Variants in AGBL1 observed in about 807,000 individuals in gnomAD.
The protein encoded by AGBL1 is cytosolic carboxypeptidase 4.
AGBL1 carries 130 observed loss-of-function variants against 118.9 expected under a neutral mutation model. That is an observed-to-expected ratio of 1.09 (90% CI 0.95 to 1.26). The LOEUF (loss-of-function observed/expected upper bound fraction) is 1.26, where lower values mean the gene tolerates loss of function less well. Ranked by LOEUF, AGBL1 falls within the 50% of genes most tolerant of loss-of-function variation. AGBL1 has a pLI of 0.00. For synonymous variants in AGBL1, 555 were observed against 478.9 expected (o/e 1.16, Z -2.08); for missense variants, 1,584 against 1,298.1 (o/e 1.22, Z -3.38).
At chr15:86,402,333 G>A (rs905328283) in intron 18 of AGBL1, among the ~76,000 whole-genome samples, 1 of 151,984 alleles carries the variant, frequency 6.6e-6, no homozygotes, top group Non-Finnish European at 1.5e-5. Flanking sequence ...TGAATTCATT[G>A]ATTAGATGTA....
intron 18 of AGBL1, among the ~76,000 whole-genome samples, chr15:86,425,267 T>G (rs1442818522): frequency 6.6e-6 from 1 of 152,106 alleles, no homozygotes; most frequent in Admixed American, 6.5e-5. Flanking sequence ...GAAACCATCT[T>G]TCTCAGCAAA....
chr15:87,002,488 A>C (rs1052863969), intron 24 of AGBL1, among the ~76,000 whole-genome samples: 10 of 152,014 alleles, frequency 6.6e-5, no homozygotes, highest in Admixed American at 3.3e-4. Context: ...TATGAACTTT[A>C]AAGTCGTTTT....
intron 16 of AGBL1, among the ~76,000 whole-genome samples, chr15:86,281,029 A>G (rs1458403875): frequency 6.6e-6 from 1 of 152,220 alleles, no homozygotes; most frequent in Non-Finnish European, 1.5e-5. Context: ...CAGAACAGGC[A>G]ACATTCATCT....
chr15:86,721,607 G>A (rs2086722507), intron 22 of AGBL1, among the ~76,000 whole-genome samples: 2 of 152,342 alleles, frequency 1.3e-5, no homozygotes, highest in South Asian at 4.1e-4. Flanking sequence ...AGACAGGGAT[G>A]CCCTCTCTCA....
At chr15:86,681,865 G>C (rs1388049910) in intron 22 of AGBL1, among the ~76,000 whole-genome samples, 1 of 152,164 alleles carries the variant, frequency 6.6e-6, no homozygotes, top group Admixed American at 6.5e-5. Context: ...AGTGAATGAA[G>C]ATGGAAAGTG....
At chr15:86,663,940 A>T (rs2085594141) in intron 21 of AGBL1, among the ~76,000 whole-genome samples, 1 of 152,168 alleles carries the variant, frequency 6.6e-6, no homozygotes, top group African/African-American at 2.4e-5. Context: ...TGCATCCTCT[A>T]GAAAAACATG....
At chr15:86,187,532 A>T (rs2077651920) in intron 5 of AGBL1, among the ~76,000 whole-genome samples, 1 of 152,202 alleles carries the variant, frequency 6.6e-6, no homozygotes, top group African/African-American at 2.4e-5. Context: ...CAACTTTCTT[A>T]ATGCTGCTGA....
chr15:86,419,054 G>A (rs1331785389), intron 18 of AGBL1, among the ~76,000 whole-genome samples: 1 of 152,080 alleles, frequency 6.6e-6, no homozygotes, highest in Non-Finnish European at 1.5e-5. Flanking sequence ...TTTTTTGATA[G>A]TGTGATATGC....
intron 21 of AGBL1, among the ~76,000 whole-genome samples, chr15:86,653,274 A>T (rs1324319821): frequency 1.3e-5 from 2 of 152,066 alleles, no homozygotes; most frequent in African/African-American, 4.8e-5. Flanking sequence ...CAATAGTCTC[A>T]TCTTAAATTA....
At chr15:86,356,341 T>TGTGC (rs2080718728) in intron 17 of AGBL1, among the ~76,000 whole-genome samples, 1 of 150,318 alleles carries the variant, frequency 6.7e-6, no homozygotes, top group African/African-American at 2.5e-5. Context: ...TAGACGTGTG[T>TGTGC]GTGTGTGTGT....
chr15:86,514,624 C>A (rs1003774172), intron 18 of AGBL1, among the ~76,000 whole-genome samples: 2 of 151,894 alleles, frequency 1.3e-5, no homozygotes, highest in Admixed American at 1.3e-4. Flanking sequence ...TAACTTGGTT[C>A]TAAAAGTTGA....
At chr15:86,094,115 A>T (rs2141473905) in intron 1 of AGBL1, among the ~76,000 whole-genome samples, 1 of 152,266 alleles carries the variant, frequency 6.6e-6, no homozygotes, top group African/African-American at 2.4e-5. Flanking sequence ...CAAATATTTG[A>T]ATCTCTATAT....
At chr15:86,541,515 C>A (rs887911763) in intron 19 of AGBL1, among the ~76,000 whole-genome samples, 5 of 149,812 alleles carry the variant, frequency 3.3e-5, no homozygotes, top group African/African-American at 9.9e-5. Flanking sequence ...TAACCTGAGC[C>A]CAGGATCTCG....
At chr15:86,573,752 G>A (rs747298193) in intron 21 of AGBL1, among the ~76,000 whole-genome samples, 1 of 152,084 alleles carries the variant, frequency 6.6e-6, no homozygotes, top group Non-Finnish European at 1.5e-5. Flanking sequence ...TTTCTATGAA[G>A]CTTATAATTA....
chr15:86,893,064 C>T (rs748866311), intron 22 of AGBL1, among the ~76,000 whole-genome samples: 2 of 152,136 alleles, frequency 1.3e-5, no homozygotes, highest in African/African-American at 2.4e-5. Flanking sequence ...AATACTGCCT[C>T]GGGGACTCAC....
chr15:86,512,787 C>T (rs1567033606), intron 18 of AGBL1, among the ~76,000 whole-genome samples: 1 of 151,678 alleles, frequency 6.6e-6, no homozygotes, highest in Non-Finnish European at 1.5e-5. Context: ...TCTCTAAAGG[C>T]ATTATTTGTC....
chr15:86,293,575 T>G (rs1482280127), intron 16 of AGBL1, among the ~76,000 whole-genome samples: 1 of 152,146 alleles, frequency 6.6e-6, no homozygotes, highest in Non-Finnish European at 1.5e-5. Context: ...AAGTAGACCT[T>G]AATCTTAAAC....
At chr15:86,379,939 G>C (rs554320049) in intron 17 of AGBL1, among the ~76,000 whole-genome samples, 1 of 152,230 alleles carries the variant, frequency 6.6e-6, no homozygotes, top group South Asian at 2.1e-4. Flanking sequence ...CAAAATTGAG[G>C]GCTTTCAAAG....
At chr15:86,351,166 A>G (rs974781998) in intron 17 of AGBL1, among the ~76,000 whole-genome samples, 1 of 152,190 alleles carries the variant, frequency 6.6e-6, no homozygotes, top group Admixed American at 6.5e-5. Flanking sequence ...TCCAAAATAG[A>G]GAAACCATTA....
Sources: allele counts gnomAD v4.1 joint callset (sites outside exome capture counted in the v4.1 genomes callset), GRCh38; gene constraint gnomAD v4.1.1; transcripts MANE v1.5; gene names NCBI Gene and HGNC (gene_info 2026-07-23, HGNC 2026-07-21).